The following BBX variants were observed in gnomAD, a reference collection of about 807,000 sequenced individuals.
BBX encodes HMG box transcription factor BBX.
BBX carries 30 observed loss-of-function variants against 100.2 expected under a neutral mutation model. The ratio of observed to expected loss-of-function variants is 0.30; its 90% CI spans 0.22 to 0.41. The LOEUF (loss-of-function observed/expected upper bound fraction) is 0.41, where lower values mean the gene tolerates loss of function less well. Ranked by LOEUF, BBX falls within the 10% of genes least tolerant of loss-of-function variation. The pLI is 1.00. For missense variants in BBX, 1,023 were observed against 1,129.8 expected, an observed-to-expected ratio of 0.91 and a Z score of 1.35; for synonymous variants, 376 against 388.1, an observed-to-expected ratio of 0.97 and a Z score of 0.37.
At chr3:107,725,459 G>A (rs954001859) in intron 5 of BBX, among the ~76,000 whole-genome samples, 1 of 152,114 alleles carries the variant, frequency 6.6e-6, no homozygotes, top group East Asian at 1.9e-4. Flanking sequence ...AATAGGAATG[G>A]TGAGAGAGGG....
chr3:107,585,064 G>A (rs1009708584), intron 2 of BBX, among the ~76,000 whole-genome samples: 4 of 152,082 alleles, frequency 2.6e-5, no homozygotes, highest in African/African-American at 9.7e-5. Context: ...CCAGTTCAGT[G>A]GCATGAACCA....
chr3:107,800,370 C>T (rs1480750669), intron 16 of BBX, among the ~76,000 whole-genome samples: 2 of 152,166 alleles, frequency 1.3e-5, no homozygotes, highest in Non-Finnish European at 2.9e-5. Flanking sequence ...AAGTGTCATA[C>T]CACTTTTGTG....
Position 107,807,964 on chromosome 3 carries a change from G to A in BBX, c.*2507G>A, listed in dbSNP as rs184106070. On this transcript the variant is annotated 3_prime_UTR_variant, in exon 18 of 18. Transcript: ENST00000325805. ...TATAGTTCCTTAGACTCACCTTGTC[G>A]ATTCTCTGAGTAAAGTCTTGATTTC... The A allele has an allele frequency of 7.9e-5, 12 of 152,220 alleles. No individual in the cohort carries two copies. The South Asian group carries it at 2.3e-3, about 29-fold the overall frequency. The allele number at this position is 152,220 out of a possible 1,614,324, so 9.4% of individuals were successfully genotyped here. A position where few individuals can be genotyped will look rare whatever the true frequency, so the allele number is the denominator to read the frequency against.
chr3:107,774,093 T>C (rs2067126334), intron 11 of BBX, among the ~76,000 whole-genome samples: 1 of 152,180 alleles, frequency 6.6e-6, no homozygotes, highest in African/African-American at 2.4e-5. Context: ...CCAGGCACAG[T>C]GGCTTACACC....
chr3:107,788,804 G>T (rs1435914110), intron 13 of BBX, among the ~76,000 whole-genome samples: 1 of 151,984 alleles, frequency 6.6e-6, no homozygotes, highest in Non-Finnish European at 1.5e-5. Flanking sequence ...AATAAAGACA[G>T]AATGGAAAGA....
chr3:107,713,744 A>G (rs1419101632), intron 4 of BBX, among the ~76,000 whole-genome samples: 1 of 152,024 alleles, frequency 6.6e-6, no homozygotes, highest in Non-Finnish European at 1.5e-5. Context: ...GGCAGAGCAC[A>G]TTCTTCATGA....
chr3:107,620,308 TTA>T (rs2055645367), intron 2 of BBX, among the ~76,000 whole-genome samples: 1 of 152,224 alleles, frequency 6.6e-6, no homozygotes, highest in Non-Finnish European at 1.5e-5. Flanking sequence ...GCACGGTTGC[TTA>T]TTAAAACATT....
intron 2 of BBX, among the ~76,000 whole-genome samples, chr3:107,610,980 G>C (rs1405384070): frequency 6.6e-6 from 1 of 151,738 alleles, no homozygotes. Flanking sequence ...TTCACTGGTG[G>C]TATGTTTGAA....
chr3:107,791,932 C>T (rs960824080), intron 15 of BBX, among the ~76,000 whole-genome samples: 4 of 152,106 alleles, frequency 2.6e-5, no homozygotes, highest in South Asian at 2.1e-4. Context: ...ACCCGGGAGG[C>T]GGAAGTTTCA....
chr3:107,698,617 A>T (rs576018630), intron 3 of BBX, among the ~76,000 whole-genome samples: 2 of 150,080 alleles, frequency 1.3e-5, no homozygotes, highest in African/African-American at 5.0e-5. Flanking sequence ...GTGCCACTGC[A>T]CTCCAGCCTG....
At chr3:107,704,478 A>G (rs1244682898) in intron 3 of BBX, among the ~76,000 whole-genome samples, 139 of 152,348 alleles carry the variant, frequency 9.1e-4, no homozygotes, top group Non-Finnish European at 2.4e-4. Context: ...TTTATAATGA[A>G]CAAAAGTTTA....
chr3:107,681,153 A>G (rs1305505353), intron 3 of BBX, among the ~76,000 whole-genome samples: 1 of 152,186 alleles, frequency 6.6e-6, no homozygotes, highest in Non-Finnish European at 1.5e-5. Context: ...ATCAACACAA[A>G]TAGACACAGA....
chr3:107,707,262 A>G lies in BBX; in HGVS notation c.-9-3190A>G, dbSNP rs978344107. Among the ~76,000 whole-genome samples the G allele has an allele frequency of 3.7e-4, 56 of 152,112 alleles. 2 individuals are homozygous for G. The highest frequency in any genetic ancestry group is 1.9e-4 in the Non-Finnish European group (13 of 68,024). ...TGGTGGTTCTCAGACATCACATGCC[A>G]CCTTGGTCTGTGTGTCTGAGCTGTG... On this transcript the variant is annotated intron_variant, in intron 3 of 17. Coordinates refer to ENST00000325805, the MANE Select transcript of BBX (RefSeq NM_001142568.3).
At chr3:107,647,898 A>G (rs2057618136) in intron 3 of BBX, among the ~76,000 whole-genome samples, 1 of 152,162 alleles carries the variant, frequency 6.6e-6, no homozygotes, top group Non-Finnish European at 1.5e-5. Flanking sequence ...GAAAGAGGAA[A>G]GAGAAAAGTG....
intron 2 of BBX, among the ~76,000 whole-genome samples, chr3:107,575,732 T>A (rs111571794): frequency 6.6e-6 from 1 of 152,206 alleles, no homozygotes; most frequent in African/African-American, 2.4e-5. Flanking sequence ...CGGGTAATTA[T>A]GTCTAATTTA....
At chr3:107,718,018 G>T (rs145736732) in intron 5 of BBX, among the ~76,000 whole-genome samples, 6 of 151,486 alleles carry the variant, frequency 4.0e-5, no homozygotes, top group Admixed American at 4.0e-4. Context: ...ATTCTTCCAG[G>T]TGCTATGCCT....
At chr3:107,687,802 C>A (rs570737239) in intron 3 of BBX, among the ~76,000 whole-genome samples, 6 of 152,276 alleles carry the variant, frequency 3.9e-5, no homozygotes, top group Admixed American at 3.3e-4. Context: ...CACCTGTAAT[C>A]CCAGCACTTT....
At position 107,708,381 on chromosome 3, in the gene BBX, A is replaced by C. The variant is rs144555121; in HGVS notation, c.-9-2071A>C. The stretch of plus-strand genomic sequence containing the variant: ...TTTTCTTGACTGGACATAGCTTTTA[A>C]TAAATTAATGAAGGCCGGGCGTGGT... On this transcript the variant is annotated intron_variant, in intron 3 of 17. Coordinates refer to ENST00000325805, the MANE Select transcript of BBX (RefSeq NM_001142568.3). Among the ~76,000 whole-genome samples the C allele has an allele frequency of 3.4e-3, 525 of 152,284 alleles. 3 individuals carry two copies. The highest frequency in any genetic ancestry group is 0.012 in the African/African-American group (495 of 41,568).
Position 107,773,482 on chromosome 3 carries a change from C to T in BBX, c.1761C>T (p.Ser587=), listed in dbSNP as rs773495656. ...CTATGGAAGATGCACTACCACCCAGCCTATCAGGACAGGCCAAGCCTGAGG... is the reference window on the plus strand; with the variant it reads ...CTATGGAAGATGCACTACCACCCAGTCTATCAGGACAGGCCAAGCCTGAGG... ...LTPMEDALPP[S]LSGQAKPEDS... The change falls in exon 11 of 18, where the codon AGC becomes AGT. Residue 587 remains serine (S), a synonymous_variant. Transcript: ENST00000325805. This position sits in a 1 kb window ranked among gnomAD's most constrained non-coding sequence, Gnocchi z 4.1. 1.9e-6 allele frequency: 3 copies of T among 1,614,088 alleles called. No homozygotes were observed. Among genetic ancestry groups the T allele is most frequent in the East Asian group, 4.5e-5 (2 of 44,880 alleles).
Sources: gnomAD v4.1 joint callset for allele counts (sites outside exome capture counted in the v4.1 genomes callset) on GRCh38, gnomAD v4.1.1 for gene constraint, Gnocchi (gnomAD v3.1) non-coding constraint, MANE v1.5 for transcripts, NCBI Gene and HGNC (gene_info 2026-07-23, HGNC 2026-07-21) for gene names.